Variants in TEX36 observed in about 807,000 individuals in gnomAD.
The protein encoded by TEX36 is testis expressed 36.
TEX36 carries 12 observed loss-of-function variants against 13.6 expected under a neutral mutation model. That is an observed-to-expected ratio of 0.88 (90% CI 0.56 to 1.43). The LOEUF (loss-of-function observed/expected upper bound fraction) is 1.43, where lower values mean the gene tolerates loss of function less well. TEX36 is among the 40% of genes most tolerant of loss of function. The pLI, the probability that TEX36 is intolerant of heterozygous loss-of-function variation, is 0.00. For synonymous variants in TEX36, 93 were observed against 83.0 expected (o/e 1.12, Z -0.65); for missense variants, 224 against 228.3 (o/e 0.98, Z 0.12).
At chr10:125,633,947 T>A (rs1248340793) in intron 3 of TEX36, among the ~76,000 whole-genome samples, 1 of 152,134 alleles carries the variant, frequency 6.6e-6, no homozygotes, top group African/African-American at 2.4e-5. Flanking sequence ...GGCCCTTTAG[T>A]ACCCACCCCT....
chr10:125,672,254 G>A (rs1442610367), intron 1 of TEX36, among the ~76,000 whole-genome samples: 1 of 152,016 alleles, frequency 6.6e-6, no homozygotes, highest in Non-Finnish European at 1.5e-5. Context: ...CTAGCTTTTT[G>A]ATGTGGGCAT....
chr10:125,678,507 G>A (rs1001483791), intron 1 of TEX36, among the ~76,000 whole-genome samples: 16 of 152,100 alleles, frequency 1.1e-4, no homozygotes, highest in African/African-American at 2.4e-5. Flanking sequence ...TGGGCCTCCC[G>A]GTGGCTTGCT....
chr10:125,668,987 T>C (rs9422790), intron 1 of TEX36, among the ~76,000 whole-genome samples: 4,206 of 152,208 alleles, frequency 0.028, 98 homozygotes, highest in African/African-American at 0.061. Flanking sequence ...GGTGAAACCC[T>C]GTCTCTACTA....
At chr10:125,682,419 G>A (rs1320516107) in intron 1 of TEX36, among the ~76,000 whole-genome samples, 3 of 152,202 alleles carry the variant, frequency 2.0e-5, no homozygotes, top group Admixed American at 2.0e-4. Flanking sequence ...ATAGGCCGGA[G>A]GGGCTAAAGG....
At chr10:125,577,016 G>T in intron 3 of TEX36, 2 of 1,123,208 alleles carry the variant, frequency 1.8e-6, no homozygotes, top group Non-Finnish European at 2.5e-6. Context: ...GTGAGACTTA[G>T]CCTGAGCCCT....
downstream of TEX36, among the ~76,000 whole-genome samples, chr10:125,617,087 A>T (rs1846370190): frequency 6.6e-6 from 1 of 151,956 alleles, no homozygotes; most frequent in African/African-American, 2.4e-5. Flanking sequence ...AGTCTGTTTT[A>T]TCAGAGACTA....
At chr10:125,597,334 A>G (rs143796829) in intron 3 of TEX36, among the ~76,000 whole-genome samples, 32 of 152,214 alleles carry the variant, frequency 2.1e-4, no homozygotes, top group African/African-American at 7.7e-4. Flanking sequence ...CTGCTCACCC[A>G]GTGCACAGAA....
At chr10:125,678,298 T>C (rs974439101) in intron 1 of TEX36, among the ~76,000 whole-genome samples, 1 of 152,170 alleles carries the variant, frequency 6.6e-6, no homozygotes, top group South Asian at 2.1e-4. Context: ...CCACAATTAG[T>C]GGTACCTGTG....
intron 3 of TEX36, chr10:125,578,401 G>A (rs984303036): frequency 6.6e-5 from 10 of 152,330 alleles, no homozygotes; most frequent in Middle Eastern, 3.4e-3. Flanking sequence ...TGCTGGCACA[G>A]GAATGACATT....
chr10:125,635,870 G>A (rs990043612), intron 3 of TEX36, among the ~76,000 whole-genome samples: 2 of 151,822 alleles, frequency 1.3e-5, no homozygotes, highest in Non-Finnish European at 2.9e-5. Flanking sequence ...GAATTTCTAG[G>A]ACACTTCATT....
Position 125,603,133 on chromosome 10 carries a change from G to A in TEX36, c.265-26259C>T, listed in dbSNP as rs542498096. Among the ~76,000 whole-genome samples, 4 of 152,302 alleles carry A rather than the reference G, an allele frequency of 2.6e-5. No individual in the cohort carries two copies. In the East Asian group the frequency reaches 7.7e-4, roughly 29 times the overall value. The stretch of plus-strand genomic sequence containing the variant: ...AGGAGCGATGACCATCTGCGGACAA[G>A]GCCAACCAGCCTTCCTGTCCTAAGA... On this transcript the variant is annotated intron_variant, in intron 3 of 3. Transcript: ENST00000532135.
chr10:125,667,809 T>C lies in TEX36; in HGVS notation c.52-5832A>G, dbSNP rs9422789. Reference sequence around the variant, plus strand: ...CAGTTCTCTTTGGTGTTCTCGGCGTTAAGGGACTGCAGCCGCTTGGCAATG... The same window carrying C: ...CAGTTCTCTTTGGTGTTCTCGGCGTCAAGGGACTGCAGCCGCTTGGCAATG... On this transcript the variant is annotated intron_variant, in intron 1 of 3. Transcript: ENST00000368821. The C allele has an allele frequency of 4.3e-3, 5,128 of 1,192,122 alleles. 149 individuals are homozygous for C. The African/African-American group carries it at 0.064, about 15-fold the overall frequency. The allele number at this position is 1,192,122 out of a possible 1,614,324, so 73.8% of individuals were successfully genotyped here.
intron 1 of TEX36, among the ~76,000 whole-genome samples, chr10:125,680,869 G>A (rs74711647): frequency 0.022 from 3,308 of 152,276 alleles, 71 homozygotes; most frequent in Middle Eastern, 0.062. Context: ...GGTCTTGATA[G>A]AAGGATAAAA....
At chr10:125,587,837 C>G (rs1845976308) in intron 3 of TEX36, among the ~76,000 whole-genome samples, 1 of 148,984 alleles carries the variant, frequency 6.7e-6, no homozygotes, top group Non-Finnish European at 1.5e-5. Context: ...AGCAGACACA[C>G]ACACACATAT....
At chr10:125,583,918 G>A (rs1285515632) in intron 3 of TEX36, among the ~76,000 whole-genome samples, 1 of 152,126 alleles carries the variant, frequency 6.6e-6, no homozygotes, top group Non-Finnish European at 1.5e-5. Flanking sequence ...ACCCAGAGAG[G>A]CAGAAAAGAT....
At chr10:125,671,325 G>A (rs1281856979) in intron 1 of TEX36, among the ~76,000 whole-genome samples, 2 of 152,040 alleles carry the variant, frequency 1.3e-5, no homozygotes, top group African/African-American at 4.8e-5. Flanking sequence ...CTAGTTTATT[G>A]AGTTTTTAAC....
At chr10:125,578,195 G>A (rs1845849163) in intron 3 of TEX36, 1 of 152,192 alleles carries the variant, frequency 6.6e-6, no homozygotes, top group South Asian at 2.1e-4. Flanking sequence ...TTTTCTAAAA[G>A]CACTTTCTGC....
chr10:125,680,104 T>G (rs1288291264), intron 1 of TEX36, among the ~76,000 whole-genome samples: 1 of 152,248 alleles, frequency 6.6e-6, no homozygotes, highest in East Asian at 1.9e-4. Context: ...CTATCTTCTA[T>G]TTTTAAAATG....
chr10:125,594,898 A>G (rs1435007894), intron 3 of TEX36, among the ~76,000 whole-genome samples: 1 of 152,208 alleles, frequency 6.6e-6, no homozygotes, highest in East Asian at 1.9e-4. Flanking sequence ...CAGAACCAAC[A>G]TTTGTTTTGT....
Sources: gnomAD v4.1 joint callset for allele counts (sites outside exome capture counted in the v4.1 genomes callset) on GRCh38, gnomAD v4.1.1 for gene constraint, MANE v1.5 for transcripts, NCBI Gene and HGNC (gene_info 2026-07-23, HGNC 2026-07-21) for gene names.